PHF5A: variants seen among roughly 807,000 people sequenced by gnomAD.
PHF5A encodes PHD finger-like domain-containing protein 5A.
For synonymous variants in PHF5A, 52 were observed against 46.0 expected (o/e 1.13, Z -0.52); for missense variants, 24 against 140.6 (o/e 0.17, Z 4.19).
chr22:41,461,836 T>C (rs1003012917), intron 3 of PHF5A, among the ~76,000 whole-genome samples: 3 of 152,062 alleles, frequency 2.0e-5, no homozygotes, highest in African/African-American at 4.8e-5. Flanking sequence ...CTAATTTTTG[T>C]ATTTTTAGTA....
intron 3 of PHF5A, among the ~76,000 whole-genome samples, chr22:41,462,864 T>C (rs2037836115): frequency 6.6e-6 from 1 of 151,958 alleles, no homozygotes; most frequent in Non-Finnish European, 1.5e-5. Flanking sequence ...TGTTCTTTAC[T>C]TACGGGTTAG....
In PHF5A at chr22:41,460,062, A is replaced by G. The variant is rs1258738584; in HGVS notation, c.*336T>C. Reference sequence around the variant, plus strand: ...GCTTCACAGTCAGTTCCTCAAGCAGAAGACTAAAATATTATTTCTTTTTAG... The same window carrying G: ...GCTTCACAGTCAGTTCCTCAAGCAGGAGACTAAAATATTATTTCTTTTTAG... On this transcript the variant is annotated 3_prime_UTR_variant, in exon 4 of 4. Coordinates refer to ENST00000216252, the MANE Select transcript of PHF5A (RefSeq NM_032758.4). 6.2e-6 allele frequency: 1 copy of G among 160,746 alleles called. No individual in the cohort carries two copies. Among genetic ancestry groups the G allele is most frequent in the Non-Finnish European group, 1.3e-5 (1 of 74,192 alleles). 10.0% of individuals were successfully genotyped at this position (160,746 alleles called of 1,614,324 possible). A position where few individuals can be genotyped will look rare whatever the true frequency, so the allele number is the denominator to read the frequency against.
At chr22:41,468,208 G>C in intron 1 of PHF5A, 61 bp from the exon 2 acceptor site, 3 of 1,568,824 alleles carry the variant, frequency 1.9e-6, no homozygotes, top group Non-Finnish European at 2.6e-6. Flanking sequence ...AAGAGGAGAA[G>C]TACATCCTCG....
intron 3 of PHF5A, among the ~76,000 whole-genome samples, chr22:41,463,545 G>A (rs904039010): frequency 3.3e-5 from 5 of 151,276 alleles, no homozygotes; most frequent in African/African-American, 1.2e-4. Context: ...AGCCAACATG[G>A]TGAAACTCTG....
intron 1 of PHF5A, chr22:41,468,384 C>A (rs2037891262): frequency 1.5e-6 from 1 of 649,580 alleles, no homozygotes; most frequent in Non-Finnish European, 2.7e-6. Flanking sequence ...GGTTCAGACC[C>A]CACCCCCCGA....
chr22:41,461,296 C>T (rs1050074378), intron 3 of PHF5A, among the ~76,000 whole-genome samples: 1 of 152,158 alleles, frequency 6.6e-6, no homozygotes, highest in Non-Finnish European at 1.5e-5. Flanking sequence ...TGCTCAGGGC[C>T]TGCCTACCCT....
rs148099525 is a variant in PHF5A at position 41,467,448 on chromosome 22, G to C, written c.243C>G (p.Asp81Glu). The C allele has an allele frequency of 4.3e-6, 7 of 1,613,620 alleles. No homozygotes were observed. The South Asian group carries it at 6.6e-5, about 15-fold the overall frequency. The change falls in exon 3 of 4, where the codon GAC (aspartate) becomes GAG (glutamate). Residue 81 changes from aspartate (D) to glutamate (E), a missense_variant and splice_region_variant. Physicochemically the swap from Asp to Glu is conservative, Grantham distance 45. Transcript: ENST00000216252. ...GTCAGATGGAAAGCTGTACACTTAC[G>C]TCCTTCTCCTGGATGGTGCACTCCT... ...YCKECTIQEK[D>E]RDGCPKIVNL...
At chr22:41,468,267 G>A in intron 1 of PHF5A, 120 bp from the exon 2 acceptor site, 1 of 892,666 alleles carries the variant, frequency 1.1e-6, no homozygotes, top group Non-Finnish European at 1.8e-6. Context: ...GAGACCTGCG[G>A]ATAGCCATTT....
At chr22:41,460,640 C>T (rs1308713673) in intron 3 of PHF5A, among the ~76,000 whole-genome samples, 153 bp from the exon 4 acceptor site, 3 of 151,010 alleles carry the variant, frequency 2.0e-5, no homozygotes, top group Non-Finnish European at 4.4e-5. Context: ...CCCAGGAGTT[C>T]GAGACTAGTG....
chr22:41,461,641 A>C (rs1224208028), intron 3 of PHF5A, among the ~76,000 whole-genome samples: 1 of 151,792 alleles, frequency 6.6e-6, no homozygotes, highest in Non-Finnish European at 1.5e-5. Context: ...TACAGGCGTG[A>C]GTCACAGTGC....
At chr22:41,468,254 A>G (rs1016399601) in intron 1 of PHF5A, 107 bp from the exon 2 acceptor site, 11 of 1,034,392 alleles carry the variant, frequency 1.1e-5, no homozygotes, top group Non-Finnish European at 1.3e-5. Context: ...GACTGCAGTG[A>G]GTGAGACCTG....
chr22:41,468,186 A>T (rs9611597), intron 1 of PHF5A, 39 bp from the exon 2 acceptor site: 223,831 of 1,610,038 alleles, frequency 0.14, 17,384 homozygotes, highest in Non-Finnish European at 0.16. Flanking sequence ...AATTAGAATA[A>T]AGGTTTTGAG....
At chr22:41,464,560 A>C (rs1174989766) in intron 3 of PHF5A, among the ~76,000 whole-genome samples, 1 of 152,246 alleles carries the variant, frequency 6.6e-6, no homozygotes, top group Admixed American at 6.5e-5. Flanking sequence ...ATCTAGAATA[A>C]GTCTCAGGGA....
At chr22:41,465,741 A>G (rs1298504975) in intron 3 of PHF5A, among the ~76,000 whole-genome samples, 2 of 152,052 alleles carry the variant, frequency 1.3e-5, no homozygotes, top group Admixed American at 6.6e-5. Context: ...CTAGCTGGGC[A>G]TAGTGGCATG....
intron 3 of PHF5A, among the ~76,000 whole-genome samples, chr22:41,463,428 T>C (rs1458886449): frequency 6.6e-6 from 1 of 151,576 alleles, no homozygotes; most frequent in Non-Finnish European, 1.5e-5. Context: ...CCATTTCTAC[T>C]GAAGATACAA....
In PHF5A at chr22:41,460,329, T is replaced by G; in HGVS notation, c.*69A>C. 7.7e-7 allele frequency: 1 copy of G among 1,297,478 alleles called. No individual in the cohort carries two copies. The allele number at this position is 1,297,478 out of a possible 1,614,324, so 80.4% of individuals were successfully genotyped here. A position where few individuals can be genotyped will look rare whatever the true frequency, so the allele number is the denominator to read the frequency against. On this transcript the variant is annotated 3_prime_UTR_variant, in exon 4 of 4. Transcript: ENST00000216252. ...CTGGGCTCTGCTCCCTTTCTGCTGG[T>G]AGTAGTAGGCATGTTTTCTGGCAGC...
intron 3 of PHF5A, among the ~76,000 whole-genome samples, chr22:41,464,252 T>A (rs760146812): frequency 8.5e-5 from 13 of 152,338 alleles, no homozygotes; most frequent in Non-Finnish European, 1.3e-4. Context: ...GTTATTCTTG[T>A]GGCTTTGAAA....
At chr22:41,461,931 GA>G (rs1427463082) in intron 3 of PHF5A, among the ~76,000 whole-genome samples, 1 of 152,204 alleles carries the variant, frequency 6.6e-6, no homozygotes, top group African/African-American at 2.4e-5. Context: ...AAAGTGATGG[GA>G]TTTCAGGCGT....
At chr22:41,468,196 G>C (rs764939173) in intron 1 of PHF5A, 49 bp from the exon 2 acceptor site, 3 of 1,603,438 alleles carry the variant, frequency 1.9e-6, no homozygotes, top group Non-Finnish European at 2.6e-6. Flanking sequence ...AAGGTTTTGA[G>C]AAAGAGGAGA....
Sources: allele counts gnomAD v4.1 joint callset (sites outside exome capture counted in the v4.1 genomes callset), GRCh38; gene constraint gnomAD v4.1.1; transcripts MANE v1.5; gene names NCBI Gene and HGNC (gene_info 2026-07-23, HGNC 2026-07-21).